The following RABGAP1L variants were observed in gnomAD, a reference collection of about 807,000 sequenced individuals.
RABGAP1L encodes the protein rab GTPase-activating protein 1-like.
RABGAP1L carries 63 observed loss-of-function variants against 137.7 expected under a neutral mutation model. That is an observed-to-expected ratio of 0.46 (90% CI 0.37 to 0.56). The LOEUF (loss-of-function observed/expected upper bound fraction) is 0.56. RABGAP1L is among the 20% of genes least tolerant of loss of function. The pLI is 0.00. For synonymous variants in RABGAP1L, 431 were observed against 433.7 expected, an observed-to-expected ratio of 0.99 and a Z score of 0.08; for missense variants, 1,095 against 1,244.0, an observed-to-expected ratio of 0.88 and a Z score of 1.80.
At chr1:174,737,054 T>C (rs143990523) in intron 17 of RABGAP1L, among the ~76,000 whole-genome samples, 70 of 152,332 alleles carry the variant, frequency 4.6e-4, no homozygotes, top group African/African-American at 1.6e-3. Flanking sequence ...TCCCTTTTAG[T>C]TATGCTACTC....
chr1:174,972,395 A>G (rs10912860), intron 21 of RABGAP1L, among the ~76,000 whole-genome samples: 27,164 of 152,196 alleles, frequency 0.18, 2,864 homozygotes, highest in Non-Finnish European at 0.24. Flanking sequence ...TTCTGAGGTT[A>G]TTGGTTGATT....
intron 12 of RABGAP1L, among the ~76,000 whole-genome samples, chr1:174,378,526 C>A (rs1047578166): frequency 1.3e-5 from 2 of 152,064 alleles, no homozygotes; most frequent in Admixed American, 6.5e-5. Flanking sequence ...TTGCATTTCT[C>A]TGATGGCCAG....
intron 18 of RABGAP1L, among the ~76,000 whole-genome samples, chr1:174,758,272 C>CT (rs368712302): frequency 2.6e-5 from 4 of 151,020 alleles, no homozygotes; most frequent in African/African-American, 7.3e-5. Context: ...CTACTTCTGT[C>CT]TTTTTTTTTC....
At chr1:174,210,448 T>A (rs1266417245) in intron 1 of RABGAP1L, among the ~76,000 whole-genome samples, 2 of 152,118 alleles carry the variant, frequency 1.3e-5, no homozygotes, top group African/African-American at 4.8e-5. Context: ...GTTGACACAC[T>A]GAAGAATGTA....
intron 18 of RABGAP1L, chr1:174,800,058 C>T (rs1688610234): frequency 8.0e-7 from 1 of 1,257,848 alleles, no homozygotes; most frequent in Non-Finnish European, 1.0e-6. Context: ...TCCTGCATCA[C>T]TCTTGGCCAT....
In RABGAP1L at chr1:174,541,433, T is replaced by C. The variant is rs180775790; in HGVS notation, c.1711-95942T>C. 1.3e-3 allele frequency among the ~76,000 whole-genome samples: 194 copies of C among 152,260 alleles called. 1 individual carries two copies. Among genetic ancestry groups the C allele is most frequent in the African/African-American group, 4.6e-3 (190 of 41,550 alleles). ...TATGATATTGGCTGTGGGTTTGTCA[T>C]AAATAGCTCTTATTATTTTGAGATA... On this transcript the variant is annotated intron_variant, in intron 13 of 25. Coordinates refer to ENST00000681986, the MANE Select transcript of RABGAP1L (RefSeq NM_001366446.1).
intron 22 of RABGAP1L, among the ~76,000 whole-genome samples, chr1:174,976,921 G>A (rs576198009): frequency 8.4e-4 from 128 of 152,332 alleles, no homozygotes; most frequent in African/African-American, 2.9e-3. Context: ...CCAGCCAGGG[G>A]CCTGACACAG....
chr1:174,306,878 G>A (rs1401842414), intron 11 of RABGAP1L, among the ~76,000 whole-genome samples: 1 of 151,804 alleles, frequency 6.6e-6, no homozygotes, highest in African/African-American at 2.4e-5. Context: ...TCTAGGGTAT[G>A]GTTTATTAAT....
At chr1:174,609,212 C>T (rs1257133810) in intron 13 of RABGAP1L, among the ~76,000 whole-genome samples, 1 of 152,038 alleles carries the variant, frequency 6.6e-6, no homozygotes, top group Non-Finnish European at 1.5e-5. Context: ...CAGACAAATA[C>T]CTGGAAAGAA....
intron 1 of RABGAP1L, among the ~76,000 whole-genome samples, chr1:174,187,271 A>G (rs977446916): frequency 6.6e-6 from 1 of 151,454 alleles, no homozygotes; most frequent in African/African-American, 2.4e-5. Context: ...CTACCTGCCA[A>G]ATGTGGCAGG....
At chr1:174,693,668 A>G (rs1679036246) in intron 15 of RABGAP1L, among the ~76,000 whole-genome samples, 1 of 152,210 alleles carries the variant, frequency 6.6e-6, no homozygotes, top group African/African-American at 2.4e-5. Flanking sequence ...CTTAAAATAT[A>G]TAAGCTGAGA....
intron 11 of RABGAP1L, among the ~76,000 whole-genome samples, chr1:174,324,191 A>G (rs1680249391): frequency 6.6e-6 from 1 of 152,142 alleles, no homozygotes; most frequent in South Asian, 2.1e-4. Flanking sequence ...CCATTTTGAC[A>G]GTTGTCTTGA....
At chr1:174,982,989 C>A (rs1671263841) in intron 24 of RABGAP1L, 84 bp downstream of exon 24, 3 of 1,338,172 alleles carry the variant, frequency 2.2e-6, no homozygotes, top group Admixed American at 2.0e-5. Flanking sequence ...CAAACACCAC[C>A]ATTTTGTATT....
intron 13 of RABGAP1L, among the ~76,000 whole-genome samples, chr1:174,486,297 A>G (rs1038554830): frequency 1.7e-5 from 2 of 120,176 alleles, no homozygotes; most frequent in Non-Finnish European, 1.8e-5. Flanking sequence ...TTTTTGTTTC[A>G]TTGATCTTTT....
chr1:174,331,893 T>G (rs1271712814), intron 11 of RABGAP1L, among the ~76,000 whole-genome samples: 1 of 148,580 alleles, frequency 6.7e-6, no homozygotes, highest in Non-Finnish European at 1.5e-5. Context: ...GTTCTCATTG[T>G]TCAGTTTCCA....
At chr1:174,367,819 A>C (rs879332657) in intron 11 of RABGAP1L, 3 of 180,582 alleles carry the variant, frequency 1.7e-5, no homozygotes, top group Non-Finnish European at 3.6e-5. Context: ...TGGTTTTACC[A>C]AAACCAGAAT....
intron 19 of RABGAP1L, chr1:174,874,525 T>A: frequency 1.0e-6 from 1 of 980,832 alleles, no homozygotes; most frequent in Non-Finnish European, 1.2e-6. Flanking sequence ...TAGCTTCAAA[T>A]GGTATTGTCC....
intron 13 of RABGAP1L, among the ~76,000 whole-genome samples, chr1:174,451,760 C>G (rs972517050): frequency 1.3e-5 from 2 of 151,882 alleles, no homozygotes; most frequent in African/African-American, 4.8e-5. Context: ...CTTGTGATAT[C>G]TTTTTCTTTG....
chr1:174,410,829 G>A (rs1446312679), intron 13 of RABGAP1L, among the ~76,000 whole-genome samples: 1 of 152,096 alleles, frequency 6.6e-6, no homozygotes, highest in African/African-American at 2.4e-5. Context: ...CTTTCTTTGG[G>A]CAGTATGGCC....
Sources: gnomAD v4.1 joint callset for allele counts (sites outside exome capture counted in the v4.1 genomes callset) on GRCh38, gnomAD v4.1.1 for gene constraint, MANE v1.5 for transcripts, NCBI Gene and HGNC (gene_info 2026-07-23, HGNC 2026-07-21) for gene names.